The following FGFR1 variants were observed in gnomAD, a reference collection of about 807,000 sequenced individuals.
FGFR1 encodes fibroblast growth factor receptor 1.
FGFR1 carries 18 observed loss-of-function variants against 93.7 expected under a neutral mutation model. The ratio of observed to expected loss-of-function variants is 0.19; its 90% CI spans 0.13 to 0.28. The LOEUF (loss-of-function observed/expected upper bound fraction) is 0.28. Among genes scored for constraint, FGFR1 ranks in the 10% least tolerant of loss-of-function variants. FGFR1 has a pLI of 1.00. For synonymous variants in FGFR1, 448 were observed against 429.3 expected, an observed-to-expected ratio of 1.04 and a Z score of -0.54; for missense variants, 731 against 1,080.4, an observed-to-expected ratio of 0.68 and a Z score of 4.53.
chr8:38,464,819 G>C (rs1190194579), intron 1 of FGFR1, among the ~76,000 whole-genome samples: 1 of 152,214 alleles, frequency 6.6e-6, no homozygotes, highest in Non-Finnish European at 1.5e-5. Context: ...AACTTTGCTA[G>C]GATGTTCTAT....
At chr8:38,451,126 A>C (rs887535589) in intron 2 of FGFR1, among the ~76,000 whole-genome samples, 3 of 152,072 alleles carry the variant, frequency 2.0e-5, no homozygotes, top group African/African-American at 7.2e-5. Flanking sequence ...ATCTGACATC[A>C]CCTTTTGCTC....
At chr8:38,459,358 T>C (rs1833803361) in intron 1 of FGFR1, among the ~76,000 whole-genome samples, 5 of 152,234 alleles carry the variant, frequency 3.3e-5, no homozygotes, top group Admixed American at 2.6e-4. Context: ...CCCTGGATTC[T>C]TGGCTTCGTT....
chr8:38,425,949 G>A, intron 6 of FGFR1, 173 bp downstream of exon 6: 1 of 804,838 alleles, frequency 1.2e-6, no homozygotes, highest in Non-Finnish European at 2.1e-6. Flanking sequence ...CTATTTTACA[G>A]ATAAGAAAAG....
At chr8:38,414,924 C>T (rs773947414) in intron 13 of FGFR1, 23 bp from the exon 14 acceptor site, 68 of 1,604,948 alleles carry the variant, frequency 4.2e-5, no homozygotes, top group Non-Finnish European at 4.9e-5. Flanking sequence ...GAAGGGAGAG[C>T]GGGAGGCGGG....
At chr8:38,414,374 A>G (rs1815532412) in intron 15 of FGFR1, 85 bp from the exon 16 acceptor site, 1 of 1,599,506 alleles carries the variant, frequency 6.3e-7, no homozygotes. Context: ...GGGCAGTGCC[A>G]GGAGACAGCA....
chr8:38,460,514 G>T (rs1457220206), intron 1 of FGFR1, among the ~76,000 whole-genome samples: 1 of 152,076 alleles, frequency 6.6e-6, no homozygotes, highest in African/African-American at 2.4e-5. Flanking sequence ...AAAGCCTGCC[G>T]CCTCCTCCCA....
chr8:38,415,784 C>T, intron 13 of FGFR1, 86 bp downstream of exon 13: 1 of 1,376,794 alleles, frequency 7.3e-7, no homozygotes, highest in Non-Finnish European at 1.0e-6. Flanking sequence ...ACAACGCCAC[C>T]ACAAGATGAT....
At chr8:38,419,273 G>C (rs1817847791) in intron 9 of FGFR1, among the ~76,000 whole-genome samples, 1 of 151,574 alleles carries the variant, frequency 6.6e-6, no homozygotes, top group Non-Finnish European at 1.5e-5. Flanking sequence ...TGCACATTCT[G>C]TCCAAATAGG....
At position 38,424,370 on chromosome 8, in the gene FGFR1, TGA is replaced by T; in HGVS notation, c.936+137_936+138del. The stretch of plus-strand genomic sequence containing the variant: ...CTGGGGGATGTGGCTAGATCCCTAC[TGA>T]GATGGAGTGTGTGTGCCTGAAGCGT... On this transcript the variant is annotated intron_variant, in intron 7 of 17. Transcript: ENST00000447712. The surrounding 1 kb of genome is among the most constrained non-coding windows in gnomAD (Gnocchi z 4.3). The T allele has an allele frequency of 1.1e-6, 1 of 895,408 alleles. No individual in the cohort carries two copies. Among genetic ancestry groups the T allele is most frequent in the Non-Finnish European group, 1.8e-6 (1 of 544,886 alleles). 55.5% of individuals were successfully genotyped at this position (895,408 alleles called of 1,614,324 possible).
intron 2 of FGFR1, chr8:38,440,374 C>T: frequency 1.3e-6 from 2 of 1,595,506 alleles, no homozygotes; most frequent in Non-Finnish European, 8.5e-7. Context: ...AGCTGCCATC[C>T]TACAAGGGTT....
chr8:38,461,026 G>T (rs1834276172), intron 1 of FGFR1: 4 of 1,522,944 alleles, frequency 2.6e-6, no homozygotes, highest in Admixed American at 3.9e-5. Context: ...GCATGCAGAG[G>T]TCCTCGGTGG....
At chr8:38,458,132 T>A (rs1204512039) in intron 1 of FGFR1, among the ~76,000 whole-genome samples, 1 of 152,136 alleles carries the variant, frequency 6.6e-6, no homozygotes, top group Non-Finnish European at 1.5e-5. Flanking sequence ...TGCTACAAAG[T>A]GAATGGTCTC....
Position 38,461,196 on chromosome 8 carries a change from C to T in FGFR1, c.-88-3662G>A. On this transcript the variant is annotated intron_variant, in intron 1 of 17. Transcript: ENST00000447712. ...GTACTGATCCAACATACAGGGTGGA[C>T]AGTGTCTGGTGAGATAGCAGGGGCT... 5.3e-6 allele frequency: 8 copies of T among 1,496,292 alleles called. No individual in the cohort carries two copies. In the South Asian group the frequency reaches 9.6e-5, roughly 18 times the overall value. The allele number at this position is 1,496,292 out of a possible 1,614,324, so 92.7% of individuals were successfully genotyped here. A position where few individuals can be genotyped will look rare whatever the true frequency, so the allele number is the denominator to read the frequency against.
chr8:38,434,327 TGC>T (rs17182225), intron 2 of FGFR1: 26,170 of 189,682 alleles, frequency 0.14, 2,375 homozygotes, highest in East Asian at 0.26. Flanking sequence ...ATATTGCTGC[TGC>T]TTTTTTTTTT....
chr8:38,417,031 G>A (rs565270127), intron 12 of FGFR1, among the ~76,000 whole-genome samples: 2 of 152,326 alleles, frequency 1.3e-5, no homozygotes, highest in South Asian at 4.1e-4. Flanking sequence ...TGGGATTACA[G>A]GCATGAGCCA....
chr8:38,442,846 G>C (rs972378280), intron 2 of FGFR1, among the ~76,000 whole-genome samples: 1 of 152,214 alleles, frequency 6.6e-6, no homozygotes, highest in African/African-American at 2.4e-5. Flanking sequence ...ATGGGTGCTT[G>C]AGCTCACAGT....
chr8:38,420,985 C>G (rs1332472983), intron 8 of FGFR1, among the ~76,000 whole-genome samples: 2 of 152,198 alleles, frequency 1.3e-5, no homozygotes, highest in African/African-American at 2.4e-5. Flanking sequence ...TTCTCTGCCT[C>G]CAGCAGGGGC....
intron 7 of FGFR1, chr8:38,423,821 A>C (rs1819710565): frequency 6.1e-6 from 1 of 163,380 alleles, no homozygotes. Flanking sequence ...AAGAGAAGGG[A>C]GGGCCAGTAT....
Position 38,468,000 on chromosome 8 carries a change from C to T in FGFR1, c.-108G>A, listed in dbSNP as rs932738709. The T allele has an allele frequency of 5.5e-5, 12 of 219,676 alleles. No individual in the cohort carries two copies. The highest frequency in any genetic ancestry group is 1.0e-4 in the Non-Finnish European group (11 of 109,546). 13.6% of individuals were successfully genotyped at this position (219,676 alleles called of 1,614,324 possible). ...TCTTACCTCGCTCGGCGTGGAGGTT[C>T]CGCCTCGGGAGAGTCCGCCGTGGCT... On this transcript the variant is annotated 5_prime_UTR_variant, in exon 1 of 18. Transcript: ENST00000447712.
Sources: gnomAD v4.1 joint callset for allele counts (sites outside exome capture counted in the v4.1 genomes callset) on GRCh38, gnomAD v4.1.1 for gene constraint, Gnocchi (gnomAD v3.1) non-coding constraint, MANE v1.5 for transcripts, NCBI Gene and HGNC (gene_info 2026-07-23, HGNC 2026-07-21) for gene names.